Variants in UNC5D observed in about 807,000 individuals in gnomAD.
The protein encoded by UNC5D is unc-5 netrin receptor D, also known as netrin receptor UNC5D.
UNC5D carries 39 observed loss-of-function variants against 105.4 expected under a neutral mutation model. The ratio of observed to expected loss-of-function variants is 0.37; its 90% confidence interval spans 0.29 to 0.48. UNC5D has a LOEUF of 0.48. Among genes scored for constraint, UNC5D ranks in the 20% least tolerant of loss-of-function variants. UNC5D has a pLI of 0.98. For synonymous variants in UNC5D, 452 were observed against 450.4 expected, an observed-to-expected ratio of 1.00 and a Z score of -0.04; for missense variants, 991 against 1,202.4, an observed-to-expected ratio of 0.82 and a Z score of 2.60.
intron 15 of UNC5D, among the ~76,000 whole-genome samples, chr8:35,772,404 TTC>T (rs1686850277): frequency 6.6e-6 from 1 of 152,238 alleles, no homozygotes; most frequent in Admixed American, 6.5e-5. Flanking sequence ...GAACTCTATT[TTC>T]AACCTACCAA....
chr8:35,496,317 C>T (rs1811591721), intron 1 of UNC5D, among the ~76,000 whole-genome samples: 1 of 152,084 alleles, frequency 6.6e-6, no homozygotes, highest in Non-Finnish European at 1.5e-5. Flanking sequence ...ATGTGGTCTT[C>T]ATCTAAGGAC....
intron 1 of UNC5D, among the ~76,000 whole-genome samples, chr8:35,392,467 C>A (rs1044637029): frequency 1.3e-5 from 2 of 152,216 alleles, no homozygotes; most frequent in African/African-American, 4.8e-5. Flanking sequence ...TAGCCTCCCA[C>A]CTTGCCTTTC....
chr8:35,638,165 A>G (rs1041600756), intron 4 of UNC5D, among the ~76,000 whole-genome samples: 2 of 152,216 alleles, frequency 1.3e-5, no homozygotes, highest in Non-Finnish European at 2.9e-5. Context: ...CATGTCACCT[A>G]TACTTCCTGT....
chr8:35,418,374 G>T (rs186151242), intron 1 of UNC5D, among the ~76,000 whole-genome samples: 3 of 152,136 alleles, frequency 2.0e-5, no homozygotes, highest in African/African-American at 7.2e-5. Context: ...CCATCTGCGA[G>T]TGCCAAAAGC....
At chr8:35,405,229 G>A (rs897130852) in intron 1 of UNC5D, among the ~76,000 whole-genome samples, 6 of 152,122 alleles carry the variant, frequency 3.9e-5, no homozygotes, top group African/African-American at 1.4e-4. Context: ...GAGGAGCAAC[G>A]AGAAACTCAA....
intron 15 of UNC5D, among the ~76,000 whole-genome samples, chr8:35,773,514 C>A (rs957049046): frequency 1.3e-5 from 2 of 152,114 alleles, no homozygotes; most frequent in Non-Finnish European, 2.9e-5. Flanking sequence ...TACAATTATA[C>A]CCTTGTAGAT....
intron 1 of UNC5D, among the ~76,000 whole-genome samples, chr8:35,440,569 T>C (rs970019473): frequency 1.1e-4 from 16 of 152,016 alleles, no homozygotes; most frequent in African/African-American, 3.9e-4. Context: ...TAGCACCATT[T>C]AGCAAGTTAA....
At position 35,684,096 on chromosome 8, in the gene UNC5D, G is replaced by C. The variant is rs377017863; in HGVS notation, c.751+369G>C. 1.8e-4 allele frequency among the ~76,000 whole-genome samples: 27 copies of C among 152,284 alleles called. No homozygotes were observed. In the South Asian group the frequency reaches 2.9e-3, roughly 16 times the overall value. On this transcript the variant is annotated intron_variant, in intron 5 of 16. Transcript: ENST00000404895. The stretch of plus-strand genomic sequence containing the variant: ...CACCCCAGTTTTTCCTAGACCTGCT[G>C]TCAGGTAGTCTCTCCCCTGGTATGT...
chr8:35,368,133 C>A (rs1240502712), intron 1 of UNC5D, among the ~76,000 whole-genome samples: 2 of 152,114 alleles, frequency 1.3e-5, no homozygotes, highest in African/African-American at 4.8e-5. Flanking sequence ...AAACCTGGTA[C>A]AACTATAATG....
intron 1 of UNC5D, among the ~76,000 whole-genome samples, chr8:35,349,643 T>A (rs1812062060): frequency 6.6e-6 from 1 of 151,978 alleles, no homozygotes; most frequent in Non-Finnish European, 1.5e-5. Flanking sequence ...TAATTATAGC[T>A]TTTTCAGACA....
At chr8:35,616,053 A>G (rs1360273981) in intron 4 of UNC5D, among the ~76,000 whole-genome samples, 1 of 152,256 alleles carries the variant, frequency 6.6e-6, no homozygotes, top group Non-Finnish European at 1.5e-5. Context: ...ACTGCTATCT[A>G]GCTAACATTA....
At chr8:35,410,965 A>G (rs1353471457) in intron 1 of UNC5D, among the ~76,000 whole-genome samples, 1 of 152,068 alleles carries the variant, frequency 6.6e-6, no homozygotes, top group Non-Finnish European at 1.5e-5. Flanking sequence ...ATTTGATTTG[A>G]GGTGTGGACA....
intron 4 of UNC5D, among the ~76,000 whole-genome samples, chr8:35,680,376 C>T (rs1234621758): frequency 1.3e-5 from 2 of 152,124 alleles, no homozygotes; most frequent in Admixed American, 1.3e-4. Flanking sequence ...CTTAGTGCTA[C>T]ATAATATTTA....
chr8:35,690,540 A>G (rs73583031), intron 7 of UNC5D, among the ~76,000 whole-genome samples: 4,356 of 152,312 alleles, frequency 0.029, 217 homozygotes, highest in African/African-American at 0.099. Flanking sequence ...CTGGAAGCTG[A>G]GGTGTGAGGA....
At chr8:35,453,534 A>T (rs780351038) in intron 1 of UNC5D, among the ~76,000 whole-genome samples, 14 of 152,220 alleles carry the variant, frequency 9.2e-5, no homozygotes, top group Non-Finnish European at 1.8e-4. Context: ...GTAAGAGATC[A>T]GCAAATCCAA....
At chr8:35,340,956 A>G (rs1811415697) in intron 1 of UNC5D, among the ~76,000 whole-genome samples, 1 of 152,168 alleles carries the variant, frequency 6.6e-6, no homozygotes. Flanking sequence ...AAAAGCAGTT[A>G]ATTTTAAGGA....
chr8:35,283,474 A>T (rs1370705704), intron 1 of UNC5D, among the ~76,000 whole-genome samples: 1 of 152,156 alleles, frequency 6.6e-6, no homozygotes, highest in Non-Finnish European at 1.5e-5. Flanking sequence ...AAAAATGCTC[A>T]TACCTGGCCA....
chr8:35,338,412 T>C (rs1220962493), intron 1 of UNC5D, among the ~76,000 whole-genome samples: 1 of 152,140 alleles, frequency 6.6e-6, no homozygotes, highest in Non-Finnish European at 1.5e-5. Flanking sequence ...GGTGTGTGTG[T>C]GTGTAAAACA....
chr8:35,474,418 T>C (rs1228073151), intron 1 of UNC5D, among the ~76,000 whole-genome samples: 2 of 152,220 alleles, frequency 1.3e-5, no homozygotes, highest in African/African-American at 4.8e-5. Context: ...AAAATAGAGA[T>C]AGCGACTGTT....
Sources: gnomAD v4.1 joint callset for allele counts (sites outside exome capture counted in the v4.1 genomes callset) on GRCh38, gnomAD v4.1.1 for gene constraint, MANE v1.5 for transcripts, NCBI Gene and HGNC (gene_info 2026-07-23, HGNC 2026-07-21) for gene names.